Variants in ARHGAP26 observed in about 807,000 individuals in gnomAD.
ARHGAP26 encodes Rho GTPase activating protein 26.
Under a neutral mutation model 104.8 loss-of-function variants are expected in ARHGAP26, and 38 were observed. That is an observed-to-expected ratio of 0.36 (90% CI 0.28 to 0.48). The LOEUF (loss-of-function observed/expected upper bound fraction) is 0.48. Among genes scored for constraint, ARHGAP26 ranks in the 20% least tolerant of loss-of-function variants. ARHGAP26 has a pLI of 0.99. For missense variants in ARHGAP26, 704 were observed against 947.9 expected (o/e 0.74, Z 3.38); for synonymous variants, 341 against 340.0 (o/e 1.00, Z -0.03).
At chr5:143,091,936 C>G (rs1216986107) in intron 17 of ARHGAP26, among the ~76,000 whole-genome samples, 2 of 152,198 alleles carry the variant, frequency 1.3e-5, no homozygotes, top group Non-Finnish European at 2.9e-5. Flanking sequence ...AATCCACATT[C>G]TTATGCCTCC....
chr5:142,770,817 G>A lies in ARHGAP26; in HGVS notation c.56G>A (p.Arg19Gln). ...SDCCLDSPHF[R>Q]ETLKSHEAEL... is the part of the protein sequence containing the mutation. ...TGCTGCCTCGATAGTCCGCACTTCC[G>A]AGAGACGCTCAAGTCGCACGAAGCA... is the stretch of plus-strand genomic sequence containing the variant. Residue 19 changes from arginine to glutamine, a missense_variant, in exon 1 of 23, where the codon CGA becomes CAA. Transcript: ENST00000645722. The A allele has an allele frequency of 6.2e-7, 1 of 1,608,908 alleles. No homozygotes were observed. The highest frequency in any genetic ancestry group is 1.1e-5 in the South Asian group (1 of 90,640).
intron 1 of ARHGAP26, among the ~76,000 whole-genome samples, chr5:142,806,835 G>A (rs1490853536): frequency 6.6e-6 from 1 of 152,204 alleles, no homozygotes; most frequent in Non-Finnish European, 1.5e-5. Flanking sequence ...GATTTCTTAC[G>A]CATATTTGGA....
intron 20 of ARHGAP26, chr5:143,165,423 A>G (rs1484877479): frequency 6.6e-6 from 1 of 152,212 alleles, no homozygotes; most frequent in African/African-American, 2.4e-5. Flanking sequence ...ATCCTCGTCC[A>G]TGTCACCTCA....
intron 18 of ARHGAP26, among the ~76,000 whole-genome samples, chr5:143,131,582 T>A (rs1797357886): frequency 6.6e-6 from 1 of 152,182 alleles, no homozygotes; most frequent in African/African-American, 2.4e-5. Flanking sequence ...TTGAAACACA[T>A]CCTTGTATGT....
chr5:143,134,158 C>T, intron 19 of ARHGAP26, 53 bp downstream of exon 19: 1 of 1,554,756 alleles, frequency 6.4e-7, no homozygotes, highest in Non-Finnish European at 8.7e-7. Flanking sequence ...TCCCATGCTA[C>T]CTGCACGGCT....
intron 20 of ARHGAP26, among the ~76,000 whole-genome samples, chr5:143,163,026 G>A (rs1005783951): frequency 6.6e-6 from 1 of 152,082 alleles, no homozygotes; most frequent in African/African-American, 2.4e-5. Context: ...CTGAGGGGAG[G>A]ATTGTTTGAG....
At chr5:143,056,316 CTTTTTTTTT>C (rs10672936) in intron 16 of ARHGAP26, among the ~76,000 whole-genome samples, 44 of 80,070 alleles carry the variant, frequency 5.5e-4, no homozygotes, top group African/African-American at 1.7e-3. Flanking sequence ...CTTCAGAAGT[CTTTTTTTTT>C]TTTTTTTTTT....
At chr5:143,030,974 C>T (rs1176812275) in intron 12 of ARHGAP26, among the ~76,000 whole-genome samples, 1 of 152,224 alleles carries the variant, frequency 6.6e-6, no homozygotes, top group African/African-American at 2.4e-5. Flanking sequence ...GTTGATGGTC[C>T]TGTATCTGAG....
intron 9 of ARHGAP26, among the ~76,000 whole-genome samples, chr5:142,912,546 A>G (rs1306859628): frequency 6.6e-6 from 1 of 152,234 alleles, no homozygotes; most frequent in Middle Eastern, 3.2e-3. Context: ...CAACATGTAC[A>G]GCTTATACCT....
At chr5:142,841,642 C>T (rs1431745203) in intron 1 of ARHGAP26, among the ~76,000 whole-genome samples, 1 of 152,168 alleles carries the variant, frequency 6.6e-6, no homozygotes, top group African/African-American at 2.4e-5. Flanking sequence ...AAGCTTGTCC[C>T]ATGAGTGCAA....
chr5:142,786,903 C>T lies in ARHGAP26; in HGVS notation c.154+15988C>T, dbSNP rs570594269. Among the ~76,000 whole-genome samples, 4 of 152,188 alleles carry T rather than the reference C, an allele frequency of 2.6e-5. 1 individual carries two copies. The highest frequency in any genetic ancestry group is 6.8e-3 in the Middle Eastern group (2 of 294). ...CTCGTGATCTGCCCGCCTTGGCCTC[C>T]CAAAGTGCTGAGATTACAGGCATGA... is the stretch of plus-strand genomic sequence containing the variant. On this transcript the variant is annotated intron_variant, in intron 1 of 22. Transcript: ENST00000645722.
At chr5:142,932,810 T>G (rs910388876) in intron 11 of ARHGAP26, among the ~76,000 whole-genome samples, 2 of 152,188 alleles carry the variant, frequency 1.3e-5, no homozygotes, top group Non-Finnish European at 2.9e-5. Flanking sequence ...ATAGAACTCT[T>G]TGCGTCAGGC....
chr5:142,988,213 T>G (rs1357158551), intron 11 of ARHGAP26, among the ~76,000 whole-genome samples: 2 of 152,220 alleles, frequency 1.3e-5, no homozygotes, highest in Admixed American at 6.5e-5. Context: ...CCTGGTTTAG[T>G]CTTGGGAGGG....
At chr5:142,870,502 T>C (rs1755126328) in intron 1 of ARHGAP26, among the ~76,000 whole-genome samples, 1 of 152,212 alleles carries the variant, frequency 6.6e-6, no homozygotes, top group African/African-American at 2.4e-5. Flanking sequence ...TCACAGGTCC[T>C]CTCCTTAGTG....
chr5:142,997,101 CTT>C (rs1158410337), intron 11 of ARHGAP26, among the ~76,000 whole-genome samples: 2 of 142,028 alleles, frequency 1.4e-5, no homozygotes, highest in East Asian at 3.9e-4. Flanking sequence ...TTCCAAAAAA[CTT>C]TATATATATG....
rs1041246794 is a variant in ARHGAP26 at position 142,889,991 on chromosome 5, C to T, written c.487-4247C>T. Among the ~76,000 whole-genome samples, 5 of 149,660 alleles carry T rather than the reference C, an allele frequency of 3.3e-5. No homozygotes were observed. In the East Asian group the frequency reaches 6.0e-4, roughly 18 times the overall value. ...TCTCTATTAAAAATACAAAATTGGC[C>T]GGGCATGGTGGTGCATGCCTGTAAT... is the stretch of plus-strand genomic sequence containing the variant. On this transcript the variant is annotated intron_variant, in intron 5 of 22. Coordinates refer to ENST00000645722, the MANE Select transcript of ARHGAP26 (RefSeq NM_001135608.3).
intron 11 of ARHGAP26, among the ~76,000 whole-genome samples, chr5:142,968,379 T>A (rs1771735567): frequency 1.3e-5 from 2 of 152,340 alleles, no homozygotes; most frequent in South Asian, 2.1e-4. Context: ...ACCTATAGCT[T>A]CTTAGCCTGT....
chr5:143,147,175 A>G (rs1003467411), intron 19 of ARHGAP26, 56 bp from the exon 20 acceptor site: 1 of 1,577,376 alleles, frequency 6.3e-7, no homozygotes, highest in African/African-American at 1.4e-5. Context: ...GCATGTAGCA[A>G]TAGACTGTCC....
Position 142,770,772 on chromosome 5 carries a change from C to G in ARHGAP26, c.11C>G (p.Pro4Arg). ...GGCGCCGCGCGCACCATGGGGCTCCCAGCGCTCGAGTTCAGCGACTGCTGC... is the reference window on the plus strand; with the variant it reads ...GGCGCCGCGCGCACCATGGGGCTCCGAGCGCTCGAGTTCAGCGACTGCTGC... MGL[P>R]ALEFSDCCLD... is the part of the protein sequence containing the mutation. Residue 4 changes from proline (P) to arginine (R), a missense_variant, in exon 1 of 23, where the codon CCA becomes CGA. Pro to Arg is a moderately radical substitution (Grantham distance 103, BLOSUM62 -2). Around this residue, in one of 6 missense-constraint regions of ARHGAP26, gnomAD observed 77 missense variants for 82.6 expected, o/e 0.93. Transcript: ENST00000645722. 5 of 1,524,600 alleles carry G rather than the reference C, an allele frequency of 3.3e-6. No individual in the cohort carries two copies. Among genetic ancestry groups the G allele is most frequent in the Non-Finnish European group, 4.4e-6 (5 of 1,131,498 alleles). 94.4% of individuals were successfully genotyped at this position (1,524,600 alleles called of 1,614,324 possible).
Sources: gnomAD v4.1 joint callset for allele counts (sites outside exome capture counted in the v4.1 genomes callset) on GRCh38, gnomAD v4.1.1 for gene constraint, gnomAD v4.1.1 regional missense constraint, MANE v1.5 for transcripts, NCBI Gene and HGNC (gene_info 2026-07-23, HGNC 2026-07-21) for gene names.